Variants in DDX54 observed in about 807,000 individuals in gnomAD.
DDX54 encodes the protein ATP-dependent RNA helicase DDX54.
In DDX54, 67 loss-of-function variants were observed where a neutral mutation model predicts 105.5. The observed-to-expected ratio is 0.64, with a 90% confidence interval of 0.52 to 0.78. The LOEUF is 0.78. Ranked by LOEUF, DDX54 falls within the 30% of genes least tolerant of loss-of-function variation. The pLI is 0.00. For missense variants in DDX54, 1,206 were observed against 1,230.5 expected (o/e 0.98, Z 0.30); for synonymous variants, 514 against 509.9 (o/e 1.01, Z -0.11).
rs1229162494 is a variant in DDX54, at chr12:113,172,349, T to C, written c.1279+4A>G. 4 of 1,613,258 alleles carry C rather than the reference T, an allele frequency of 2.5e-6. No homozygotes were observed. The highest frequency in any genetic ancestry group is 1.7e-5 in the Admixed American group (1 of 59,906). On this transcript the variant is annotated splice_donor_region_variant and intron_variant, in intron 11 of 19. Transcript: ENST00000306014. The stretch of plus-strand genomic sequence containing the variant: ...TGCCCCAGGGCCAGCCACGGGCTGC[T>C]TACCCACGCGGTGCAGGAAGAGTTT...
intron 10 of DDX54, 133 bp downstream of exon 10, chr12:113,174,507 T>A: frequency 2.3e-6 from 3 of 1,311,452 alleles, no homozygotes; most frequent in Non-Finnish European, 3.1e-6. Flanking sequence ...AAAATAAAAA[T>A]AAAAATGACC....
At chr12:113,175,584 C>T (rs1319944256) in intron 7 of DDX54, among the ~76,000 whole-genome samples, 4 of 152,230 alleles carry the variant, frequency 2.6e-5, no homozygotes, top group East Asian at 1.9e-4. Flanking sequence ...GTCAGGAGAT[C>T]GAGACCATCC....
intron 1 of DDX54, among the ~76,000 whole-genome samples, chr12:113,184,339 C>T (rs1308841480): frequency 6.6e-6 from 1 of 152,174 alleles, no homozygotes; most frequent in Non-Finnish European, 1.5e-5. Flanking sequence ...ACCTCAGCCT[C>T]CCTAAGTGCT....
chr12:113,182,363 G>C (rs1952477272), intron 1 of DDX54, among the ~76,000 whole-genome samples: 1 of 152,030 alleles, frequency 6.6e-6, no homozygotes, highest in South Asian at 2.1e-4. Context: ...CTTTTTAAAG[G>C]GTTGTAGAAA....
At chr12:113,182,876 CT>C (rs879610774) in intron 1 of DDX54, among the ~76,000 whole-genome samples, 2,525 of 134,460 alleles carry the variant, frequency 0.019, 24 homozygotes, top group Middle Eastern at 0.043. Context: ...CTTTTCAACA[CT>C]TTTTTTTTTT....
At chr12:113,177,475 A>C in intron 5 of DDX54, 1 of 195,838 alleles carries the variant, frequency 5.1e-6, no homozygotes, top group Non-Finnish European at 1.0e-5. Flanking sequence ...CCGTCCTTAA[A>C]CCCTTTGGGC....
In DDX54 at chr12:113,174,778, G is replaced by T. The variant is rs1455371401; in HGVS notation, c.937-7C>A. 32 of 1,613,992 alleles carry T rather than the reference G, an allele frequency of 2.0e-5. 1 individual carries two copies. Among genetic ancestry groups the T allele is most frequent in the Non-Finnish European group, 2.7e-5 (32 of 1,179,840 alleles). On this transcript the variant is annotated splice_region_variant and splice_polypyrimidine_tract_variant and intron_variant, in intron 9 of 19. Transcript: ENST00000306014. ...GCACGAGGAAGAAGGAGGTCTGTGG[G>T]GAGAGGGCATCACGTGTTGGCTTAC...
At chr12:113,167,844 T>C (rs766645454) in intron 12 of DDX54, 7 of 430,048 alleles carry the variant, frequency 1.6e-5, no homozygotes, top group South Asian at 3.3e-5. Context: ...CTGTAGAGCC[T>C]GTACGGGGCT....
At chr12:113,178,066 T>C (rs7136140) in intron 5 of DDX54, among the ~76,000 whole-genome samples, 10,137 of 151,990 alleles carry the variant, frequency 0.067, 412 homozygotes, top group East Asian at 0.16. Context: ...CGAGACCTCA[T>C]CTCTACAAAA....
chr12:113,185,456 G>A lies in DDX54; in HGVS notation c.-5C>T. 1 of 1,499,398 alleles carries A rather than the reference G, an allele frequency of 6.7e-7. No homozygotes were observed. The highest frequency in any genetic ancestry group is 2.6e-5 in the East Asian group (1 of 38,064). 92.9% of individuals were successfully genotyped at this position (1,499,398 alleles called of 1,614,324 possible). A position where few individuals can be genotyped will look rare whatever the true frequency, so the allele number is the denominator to read the frequency against. On this transcript the variant is annotated 5_prime_UTR_variant, in exon 1 of 20. Coordinates refer to ENST00000306014, the MANE Select transcript of DDX54 (RefSeq NM_024072.4). ...CGGGCCCTTGTCGGCCGCCATTCGG[G>A]CCGCGCGCTGGGAACGCAGAAGGGG...
intron 14 of DDX54, 88 bp downstream of exon 14, chr12:113,165,556 C>G (rs1342726889): frequency 7.2e-7 from 1 of 1,390,798 alleles, no homozygotes. Context: ...CCACCGTTGT[C>G]ACTGTGTGAC....
At chr12:113,168,476 C>T (rs1327196511) in intron 12 of DDX54, among the ~76,000 whole-genome samples, 1 of 152,228 alleles carries the variant, frequency 6.6e-6, no homozygotes, top group African/African-American at 2.4e-5. Flanking sequence ...TGATGACAGC[C>T]CTCCCTCTAG....
At chr12:113,180,792 T>A (rs181052044) in intron 2 of DDX54, 137 bp downstream of exon 2, 1 of 1,430,850 alleles carries the variant, frequency 7.0e-7, no homozygotes, top group East Asian at 2.4e-5. Flanking sequence ...CCTGAATGAC[T>A]GGAGGACCAC....
chr12:113,159,135 T>C (rs1409944118), intron 19 of DDX54, 26 bp from the exon 20 acceptor site: 1 of 1,563,402 alleles, frequency 6.4e-7, no homozygotes, highest in Non-Finnish European at 8.6e-7. Context: ...TTCAGGGAGC[T>C]CAGCTGTTGG....
Position 113,158,766 on chromosome 12 carries a change from G to A in DDX54, c.*111C>T. The A allele has an allele frequency of 8.3e-7, 1 of 1,211,916 alleles. No homozygotes were observed. The highest frequency in any genetic ancestry group is 1.1e-6 in the Non-Finnish European group (1 of 880,702). 75.1% of individuals were successfully genotyped at this position (1,211,916 alleles called of 1,614,324 possible). On this transcript the variant is annotated 3_prime_UTR_variant, in exon 20 of 20. Coordinates refer to ENST00000306014, the MANE Select transcript of DDX54 (RefSeq NM_024072.4). This position sits in a 1 kb window ranked among gnomAD's most constrained non-coding sequence, Gnocchi z 4.9. The stretch of plus-strand genomic sequence containing the variant: ...CTTTTCACAGATGATGGCTCCTGCA[G>A]GGAGTGCCCCCAGTGCCCAGCACAG...
At chr12:113,181,335 C>T (rs1469058544) in intron 1 of DDX54, among the ~76,000 whole-genome samples, 1 of 151,724 alleles carries the variant, frequency 6.6e-6, no homozygotes, top group Middle Eastern at 3.2e-3. Flanking sequence ...CTCTGTCACC[C>T]AGGCTGGAGT....
At chr12:113,180,155 A>G in intron 2 of DDX54, 150 bp from the exon 3 acceptor site, 1 of 758,830 alleles carries the variant, frequency 1.3e-6, no homozygotes, top group Non-Finnish European at 2.3e-6. Context: ...GTGAAATGAG[A>G]CTTAGGAGAC....
chr12:113,163,489 G>A lies in DDX54; in HGVS notation c.1939-215C>T, dbSNP rs1380006652. On this transcript the variant is annotated intron_variant, in intron 15 of 19. Coordinates refer to ENST00000306014, the MANE Select transcript of DDX54 (RefSeq NM_024072.4). This position sits in a 1 kb window ranked among gnomAD's most constrained non-coding sequence, Gnocchi z 5.9. ...CACACAGTGCAACCCCTGCCTCAGG[G>A]ACCAGCAGAGGCAGGACAGCTGGGT... Among the ~76,000 whole-genome samples the A allele has an allele frequency of 3.3e-5, 5 of 152,166 alleles. No individual in the cohort carries two copies. The highest frequency in any genetic ancestry group is 1.2e-4 in the African/African-American group (5 of 41,436).
chr12:113,185,039 G>C (rs961122421), intron 1 of DDX54, among the ~76,000 whole-genome samples: 1 of 152,164 alleles, frequency 6.6e-6, no homozygotes, highest in African/African-American at 2.4e-5. Flanking sequence ...ACCAAAACCC[G>C]GCAGGAAGGC....
Sources: gnomAD v4.1 joint callset for allele counts (sites outside exome capture counted in the v4.1 genomes callset) on GRCh38, gnomAD v4.1.1 for gene constraint, Gnocchi (gnomAD v3.1) non-coding constraint, MANE v1.5 for transcripts, NCBI Gene and HGNC (gene_info 2026-07-23, HGNC 2026-07-21) for gene names.